Variants in SEL1L2 observed in about 807,000 individuals in gnomAD.
SEL1L2 encodes the protein protein sel-1 homolog 2.
SEL1L2 carries 89 observed loss-of-function variants against 98.8 expected under a neutral mutation model. That is an observed-to-expected ratio of 0.90 (90% confidence interval 0.76 to 1.07). SEL1L2 has a LOEUF of 1.07. Ranked by LOEUF, SEL1L2 falls within the 50% of genes least tolerant of loss-of-function variation. The probability of loss-of-function intolerance (pLI) is 0.00; values close to 1 mark genes in which losing one functional copy is unlikely to be tolerated. For missense variants in SEL1L2, 788 were observed against 812.0 expected (o/e 0.97, Z 0.36); for synonymous variants, 262 against 278.5 (o/e 0.94, Z 0.59).
intron 17 of SEL1L2, among the ~76,000 whole-genome samples, chr20:13,864,410 C>G (rs114868293): frequency 6.6e-6 from 1 of 152,158 alleles, no homozygotes; most frequent in Non-Finnish European, 1.5e-5. Flanking sequence ...CAAAATTGCT[C>G]TCTTATTGCA....
Position 13,939,043 on chromosome 20 carries a change from T to TTTTTTTTTTTTTTTTTTTTTTTTTC in SEL1L2, c.115-7273_115-7272insGAAAAAAAAAAAAAAAAAAAAAAAA, listed in dbSNP as rs1569006493. On this transcript the variant is annotated intron_variant, in intron 2 of 19. Coordinates refer to ENST00000284951, the MANE Select transcript of SEL1L2 (RefSeq NM_025229.2). Reference sequence around the variant, plus strand: ...TTTTGGTTTGTTTGCTTGTTTTGTTTTTTTTTTTTTTTTTTTCTGAGATGG... The same window carrying TTTTTTTTTTTTTTTTTTTTTTTTTC: ...TTTTGGTTTGTTTGCTTGTTTTGTTTTTTTTTTTTTTTTTTTTTTTTTTTCTTTTTTTTTTTTTTTTCTGAGATGG... 1.0e-4 allele frequency among the ~76,000 whole-genome samples: 12 copies of TTTTTTTTTTTTTTTTTTTTTTTTTC among 117,642 alleles called. 1 individual carries two copies. In the East Asian group the frequency reaches 2.1e-3, roughly 20 times the overall value. The allele number at this position is 117,642 out of a possible 152,430, so 77.2% of individuals were successfully genotyped here.
rs917826870 is a variant in SEL1L2 at position 13,899,625 on chromosome 20, C to A, written c.550-11113G>T. On this transcript the variant is annotated intron_variant, in intron 5 of 19. Transcript: ENST00000284951. ...CTTTTTTTTATAAGGGCACCTAGTC[C>A]TATACAGGGGGTGCCACCCTCATGG... 3.3e-5 allele frequency among the ~76,000 whole-genome samples: 5 copies of A among 152,062 alleles called. No individual in the cohort carries two copies. In the South Asian group the frequency reaches 8.3e-4, roughly 25 times the overall value.
At chr20:13,884,354 G>A (rs1162479832) in intron 10 of SEL1L2, among the ~76,000 whole-genome samples, 1 of 151,952 alleles carries the variant, frequency 6.6e-6, no homozygotes, top group Non-Finnish European at 1.5e-5. Context: ...GGTGATGTAG[G>A]GCCTTGAAAC....
chr20:13,888,318 A>C, intron 6 of SEL1L2, 141 bp downstream of exon 6: 1 of 671,146 alleles, frequency 1.5e-6, no homozygotes, highest in Middle Eastern at 3.8e-4. Context: ...TGGCATAAGA[A>C]CACTAAATTT....
At chr20:13,867,466 G>A (rs2045980384) in intron 14 of SEL1L2, among the ~76,000 whole-genome samples, 1 of 152,174 alleles carries the variant, frequency 6.6e-6, no homozygotes, top group South Asian at 2.1e-4. Flanking sequence ...TTCCTTAGAT[G>A]GTCTTTAAGT....
rs1184833740 is a variant in SEL1L2 at position 13,919,155 on chromosome 20, T to C, written c.284-32A>G. 6.5e-6 allele frequency: 8 copies of C among 1,235,078 alleles called. No homozygotes were observed. The Admixed American group carries it at 9.7e-5, about 15-fold the overall frequency. The allele number at this position is 1,235,078 out of a possible 1,614,324, so 76.5% of individuals were successfully genotyped here. A position where few individuals can be genotyped will look rare whatever the true frequency, so the allele number is the denominator to read the frequency against. On this transcript the variant is annotated intron_variant, in intron 3 of 19. Coordinates refer to ENST00000284951, the MANE Select transcript of SEL1L2 (RefSeq NM_025229.2). ...ATGAACAAACAAAAAATAAAAACAA[T>C]ATTACTTCTATGTTCCATATTTTAA...
At chr20:13,852,413 C>T (rs533381174) in intron 18 of SEL1L2, among the ~76,000 whole-genome samples, 5 of 152,216 alleles carry the variant, frequency 3.3e-5, no homozygotes, top group Admixed American at 6.5e-5. Context: ...ATGCTTCTAG[C>T]TAACTAGGGC....
intron 5 of SEL1L2, among the ~76,000 whole-genome samples, chr20:13,904,273 G>A (rs1480725651): frequency 1.3e-5 from 2 of 152,100 alleles, no homozygotes; most frequent in Non-Finnish European, 2.9e-5. Flanking sequence ...TCACGCCTGT[G>A]ATCCCAGCAC....
At chr20:13,924,282 G>GTTTTTTTTTT (rs2048783369) in intron 3 of SEL1L2, among the ~76,000 whole-genome samples, 1 of 134,556 alleles carries the variant, frequency 7.4e-6, no homozygotes. Context: ...GTTTTTTTTT[G>GTTTTTTTTTT]TTTTTCTTTT....
intron 5 of SEL1L2, among the ~76,000 whole-genome samples, chr20:13,893,123 T>C (rs1211160887): frequency 6.6e-6 from 1 of 152,252 alleles, no homozygotes; most frequent in African/African-American, 2.4e-5. Context: ...GGTGAAATGG[T>C]CATTTAATCA....
chr20:13,964,120 C>T (rs982115105), intron 1 of SEL1L2, among the ~76,000 whole-genome samples: 4 of 152,082 alleles, frequency 2.6e-5, no homozygotes, highest in Admixed American at 1.3e-4. Context: ...ATGATCCACC[C>T]GCCTCGGCCT....
intron 5 of SEL1L2, among the ~76,000 whole-genome samples, chr20:13,912,114 T>G (rs2048228054): frequency 6.6e-6 from 1 of 152,062 alleles, no homozygotes; most frequent in African/African-American, 2.4e-5. Flanking sequence ...TACCCAATGT[T>G]TCATCATTAT....
At chr20:13,876,229 C>T in intron 11 of SEL1L2, 114 bp from the exon 12 acceptor site, 2 of 744,964 alleles carry the variant, frequency 2.7e-6, no homozygotes, top group East Asian at 5.2e-5. Flanking sequence ...GTAGTAAATG[C>T]CACTGTAAAT....
At chr20:13,851,221 T>C (rs957208686) in intron 18 of SEL1L2, 1 of 152,150 alleles carries the variant, frequency 6.6e-6, no homozygotes, top group East Asian at 1.9e-4. Flanking sequence ...AGTGATACTC[T>C]GTCTCAAAAG....
At chr20:13,991,513 T>G (rs1180300672), upstream of SEL1L2, among the ~76,000 whole-genome samples, 1 of 152,222 alleles carries the variant, frequency 6.6e-6, no homozygotes, top group Non-Finnish European at 1.5e-5. Flanking sequence ...ATTCTTGGCC[T>G]GGAATTTTTC....
At chr20:13,934,334 T>C (rs2049298214) in intron 2 of SEL1L2, among the ~76,000 whole-genome samples, 1 of 113,730 alleles carries the variant, frequency 8.8e-6, no homozygotes, top group African/African-American at 3.4e-5. Flanking sequence ...ATTCCATATA[T>C]ATATATTCCA....
At chr20:13,850,169 G>A (rs755102295) in intron 19 of SEL1L2, 22 bp downstream of exon 19, 2 of 1,613,098 alleles carry the variant, frequency 1.2e-6, no homozygotes, top group East Asian at 2.2e-5. Flanking sequence ...AGAGATTCAG[G>A]ACCTGTTCAA....
At chr20:13,882,030 A>G (rs2046724165) in intron 10 of SEL1L2, among the ~76,000 whole-genome samples, 1 of 152,230 alleles carries the variant, frequency 6.6e-6, no homozygotes, top group African/African-American at 2.4e-5. Context: ...ATACATATGT[A>G]TATATTACAT....
At chr20:13,976,617 A>G (rs1214836422) in intron 1 of SEL1L2, among the ~76,000 whole-genome samples, 1 of 152,214 alleles carries the variant, frequency 6.6e-6, no homozygotes, top group Non-Finnish European at 1.5e-5. Flanking sequence ...TGGACAAGAC[A>G]TTAGACCTTT....
Sources: allele counts gnomAD v4.1 joint callset (sites outside exome capture counted in the v4.1 genomes callset), GRCh38; gene constraint gnomAD v4.1.1; transcripts MANE v1.5; gene names NCBI Gene and HGNC (gene_info 2026-07-23, HGNC 2026-07-21).